The following GRIK1 variants were observed in gnomAD, a reference collection of about 807,000 sequenced individuals.
GRIK1 encodes glutamate ionotropic receptor kainate type subunit 1, also known as glutamate receptor ionotropic, kainate 1.
In GRIK1, 69 loss-of-function variants were observed where a neutral mutation model predicts 105.7. The ratio of observed to expected loss-of-function variants is 0.65; its 90% CI spans 0.54 to 0.80. The LOEUF is 0.80. Among genes scored for constraint, GRIK1 ranks in the 30% least tolerant of loss-of-function variants. The probability of loss-of-function intolerance (pLI) is 0.00; values close to 1 mark genes in which losing one functional copy is unlikely to be tolerated. For synonymous variants in GRIK1, 438 were observed against 431.3 expected (o/e 1.02, Z -0.19); for missense variants, 1,109 against 1,167.3 (o/e 0.95, Z 0.73).
intron 1 of GRIK1, among the ~76,000 whole-genome samples, chr21:29,787,746 T>G (rs1442109815): frequency 6.6e-6 from 1 of 152,238 alleles, no homozygotes; most frequent in African/African-American, 2.4e-5. Flanking sequence ...TCCATTCCAG[T>G]GTGATGCAAC....
At chr21:29,632,334 G>C (rs1320364090) in intron 7 of GRIK1, among the ~76,000 whole-genome samples, 1 of 152,180 alleles carries the variant, frequency 6.6e-6, no homozygotes, top group South Asian at 2.1e-4. Context: ...GTGTCTAAAA[G>C]AGTGTCTGCC....
chr21:29,932,725 C>T (rs577218078), intron 1 of GRIK1, among the ~76,000 whole-genome samples: 101 of 151,908 alleles, frequency 6.6e-4, no homozygotes, highest in African/African-American at 2.3e-3. Flanking sequence ...GGAATACATT[C>T]CTTTTAATTT....
intron 1 of GRIK1, among the ~76,000 whole-genome samples, chr21:29,707,450 C>CCCTTCCTTCCTT (rs1555875923): frequency 2.8e-5 from 2 of 71,548 alleles, no homozygotes; most frequent in African/African-American, 1.1e-4. Flanking sequence ...CTCCCTCCCT[C>CCCTTCCTTCCTT]CCTCCCTCCC....
At position 29,588,997 on chromosome 21, in the gene GRIK1, C is replaced by A; in HGVS notation, c.1411G>T (p.Gly471Ter). Residue 471 changes from glycine to a stop codon, truncating the protein, a stop_gained, in exon 11 of 18, where the codon GGA becomes TGA. Transcript: ENST00000327783. LOFTEE classifies it high-confidence loss of function. ...MYRKSDKPLYGNDRFEGYCLD... is the reference protein window; with the variant it reads ...MYRKSDKPLY ...CAATATCCTTCAAATCTGTCATTTCCATATAGAGGCTTATCAGATTTCCTG... is the reference window on the plus strand; with the variant it reads ...CAATATCCTTCAAATCTGTCATTTCAATATAGAGGCTTATCAGATTTCCTG... 6.2e-7 allele frequency: 1 copy of A among 1,604,360 alleles called. No individual in the cohort carries two copies. The highest frequency in any genetic ancestry group is 8.5e-7 in the Non-Finnish European group (1 of 1,171,138).
At chr21:29,642,718 T>A in intron 7 of GRIK1, 108 bp downstream of exon 7, 1 of 910,106 alleles carries the variant, frequency 1.1e-6, no homozygotes, top group Non-Finnish European at 1.7e-6. Flanking sequence ...TGGCTTCCTC[T>A]CTCTTAGGGG....
intron 1 of GRIK1, among the ~76,000 whole-genome samples, chr21:29,767,495 G>A (rs888092687): frequency 2.0e-5 from 3 of 151,658 alleles, no homozygotes; most frequent in Admixed American, 6.6e-5. Context: ...ATAAAAAAAG[G>A]TTTGCTCAGG....
chr21:29,799,149 A>G (rs1013695662), intron 1 of GRIK1, among the ~76,000 whole-genome samples: 3 of 152,226 alleles, frequency 2.0e-5, no homozygotes, highest in African/African-American at 4.8e-5. Flanking sequence ...ACATGGAAAC[A>G]ATCACATCTT....
chr21:29,560,519 C>CCTTCCTTT lies in GRIK1; in HGVS notation c.2356+1104_2356+1105insAAAGGAAG, dbSNP rs2090436242. On this transcript the variant is annotated intron_variant, in intron 15 of 17. Transcript: ENST00000327783. ...TCTTTCCTTCCTTCCTTCCTTCCTT[C>CCTTCCTTT]CTTTCTTTCTTTCTTTCTTTCTTTC... is the stretch of plus-strand genomic sequence containing the variant. Among the ~76,000 whole-genome samples the CCTTCCTTT allele has an allele frequency of 1.9e-3, 112 of 57,834 alleles. 13 individuals are homozygous for CCTTCCTTT. The highest frequency in any genetic ancestry group is 2.2e-3 in the South Asian group (4 of 1,828). 37.9% of individuals were successfully genotyped at this position (57,834 alleles called of 152,430 possible).
Position 29,537,072 on chromosome 21 carries a change from A to G in GRIK1, c.*158T>C. On this transcript the variant is annotated 3_prime_UTR_variant, in exon 18 of 18. Transcript: ENST00000327783. ...TGGTGTCACTTCCCAAGTCATATCTATGTGAGCTTTTTAAACTTTTGTATT... is the reference window on the plus strand; with the variant it reads ...TGGTGTCACTTCCCAAGTCATATCTGTGTGAGCTTTTTAAACTTTTGTATT... 1 of 418,164 alleles carries G rather than the reference A, an allele frequency of 2.4e-6. No homozygotes were observed. Among genetic ancestry groups the G allele is most frequent in the Non-Finnish European group, 4.2e-6 (1 of 235,768 alleles). 25.9% of individuals were successfully genotyped at this position (418,164 alleles called of 1,614,324 possible). A position where few individuals can be genotyped will look rare whatever the true frequency, so the allele number is the denominator to read the frequency against.
intron 12 of GRIK1, among the ~76,000 whole-genome samples, chr21:29,586,897 T>G (rs1327982601): frequency 6.6e-6 from 1 of 152,226 alleles, no homozygotes. Context: ...ACTTTTAAAG[T>G]ATTTTTCTTC....
intron 7 of GRIK1, among the ~76,000 whole-genome samples, chr21:29,616,087 T>G (rs1454299790): frequency 6.6e-6 from 1 of 152,230 alleles, no homozygotes; most frequent in Non-Finnish European, 1.5e-5. Flanking sequence ...CTTTGAAAGC[T>G]AACACTGCAC....
intron 8 of GRIK1, chr21:29,597,567 C>T (rs1296678668): frequency 5.3e-6 from 2 of 378,222 alleles, no homozygotes; most frequent in South Asian, 4.2e-5. Context: ...TTGTTCCCTC[C>T]AGCCAACATC....
intron 1 of GRIK1, among the ~76,000 whole-genome samples, chr21:29,848,772 TATATA>T (rs1464270341): frequency 2.0e-5 from 2 of 101,642 alleles, no homozygotes; most frequent in African/African-American, 1.0e-4. Context: ...TATATATATA[TATATA>T]TATTTTTTTT....
intron 14 of GRIK1, among the ~76,000 whole-genome samples, chr21:29,565,822 G>A (rs998128825): frequency 2.0e-5 from 3 of 152,104 alleles, no homozygotes; most frequent in Non-Finnish European, 2.9e-5. Flanking sequence ...CAACCACCAC[G>A]TTCTACTCTC....
intron 4 of GRIK1, among the ~76,000 whole-genome samples, chr21:29,659,378 T>C (rs2062917483): frequency 6.6e-6 from 1 of 152,186 alleles, no homozygotes; most frequent in Non-Finnish European, 1.5e-5. Flanking sequence ...ATGATCACCA[T>C]TGTTAGTTAA....
chr21:29,829,862 G>T (rs753730660), intron 1 of GRIK1, among the ~76,000 whole-genome samples: 2 of 151,988 alleles, frequency 1.3e-5, no homozygotes, highest in Non-Finnish European at 2.9e-5. Context: ...TTTTCACAGA[G>T]AAGAAAACAT....
At chr21:29,825,417 C>A (rs1214710632) in intron 1 of GRIK1, among the ~76,000 whole-genome samples, 1 of 151,946 alleles carries the variant, frequency 6.6e-6, no homozygotes, top group Non-Finnish European at 1.5e-5. Context: ...TAACAAGAAA[C>A]AAACTCATCA....
At chr21:29,770,998 T>A (rs183341999) in intron 1 of GRIK1, among the ~76,000 whole-genome samples, 1 of 152,344 alleles carries the variant, frequency 6.6e-6, no homozygotes, top group African/African-American at 2.4e-5. Flanking sequence ...ATGTAGTGAA[T>A]ATGGTTGTAT....
chr21:29,803,011 T>C (rs958979685), intron 1 of GRIK1, among the ~76,000 whole-genome samples: 6 of 152,130 alleles, frequency 3.9e-5, no homozygotes, highest in Non-Finnish European at 1.5e-5. Flanking sequence ...ATCAAAGACC[T>C]CAAGCAGACA....
Sources: gnomAD v4.1 joint callset for allele counts (sites outside exome capture counted in the v4.1 genomes callset) on GRCh38, gnomAD v4.1.1 for gene constraint, MANE v1.5 for transcripts, NCBI Gene and HGNC (gene_info 2026-07-23, HGNC 2026-07-21) for gene names.